Variants in SEMA4F observed in about 807,000 individuals in gnomAD.
SEMA4F encodes ssemaphorin 4F.
SEMA4F carries 51 observed loss-of-function variants against 78.4 expected under a neutral mutation model. That is an observed-to-expected ratio of 0.65 (90% CI 0.52 to 0.82). The LOEUF (loss-of-function observed/expected upper bound fraction) is 0.82, where lower values mean the gene tolerates loss of function less well. Ranked by LOEUF, SEMA4F falls within the 40% of genes least tolerant of loss-of-function variation. SEMA4F has a pLI of 0.00. For synonymous variants in SEMA4F, 418 were observed against 408.7 expected, an observed-to-expected ratio of 1.02 and a Z score of -0.27; for missense variants, 938 against 1,014.4, an observed-to-expected ratio of 0.92 and a Z score of 1.02.
At chr2:74,705,771 G>A in the SEMA4F span, among the ~76,000 whole-genome samples, 1 of 151,158 alleles carries the variant, frequency 6.6e-6, no homozygotes, top group Non-Finnish European at 1.5e-5. Flanking sequence ...TGCTATTATT[G>A]TCCAGGCTGG....
the SEMA4F span, among the ~76,000 whole-genome samples, chr2:74,692,896 C>T: frequency 9.2e-5 from 14 of 152,298 alleles, no homozygotes; most frequent in Non-Finnish European, 2.1e-4. Flanking sequence ...TGTGCACACA[C>T]GAGTGTGTTT....
chr2:74,687,069 A>G (rs530682017), downstream of SEMA4F, among the ~76,000 whole-genome samples: 510 of 152,368 alleles, frequency 3.3e-3, 2 homozygotes, highest in Middle Eastern at 6.8e-3. Flanking sequence ...CGTTACAATT[A>G]GAATGAAATC....
At chr2:74,674,453 A>G (rs190715763) in intron 7 of SEMA4F, 45 bp from the exon 8 acceptor site, 39 of 1,555,182 alleles carry the variant, frequency 2.5e-5, no homozygotes, top group African/African-American at 8.2e-5. Context: ...TCCTTGCCCA[A>G]TGATGATCAT....
the SEMA4F span, among the ~76,000 whole-genome samples, chr2:74,707,990 C>T: frequency 3.9e-5 from 6 of 152,096 alleles, no homozygotes; most frequent in African/African-American, 1.2e-4. Context: ...AGTGCTCACT[C>T]AGGGCTGAGA....
At position 74,656,628 on chromosome 2, in the gene SEMA4F, C is replaced by T. The variant is rs758500476; in HGVS notation, c.240C>T (p.Gly80=). ...VDPASHTLYV[G]ARDTIFALSL... is the part of the protein sequence containing the mutation. ...CTGCCTCCCACACACTTTATGTTGGCGCCCGGGACACCATCTTCGCTTTAT... is the reference window on the plus strand; with the variant it reads ...CTGCCTCCCACACACTTTATGTTGGTGCCCGGGACACCATCTTCGCTTTAT... The change falls in exon 2 of 14, where the codon GGC becomes GGT. Residue 80 remains glycine, a synonymous_variant. Coordinates refer to ENST00000357877, the MANE Select transcript of SEMA4F (RefSeq NM_004263.5). The T allele has an allele frequency of 1.2e-5, 20 of 1,614,022 alleles. No homozygotes were observed. The highest frequency in any genetic ancestry group is 4.4e-5 in the South Asian group (4 of 91,086).
downstream of SEMA4F, among the ~76,000 whole-genome samples, chr2:74,684,088 CTT>C (rs34924559): frequency 0.091 from 12,884 of 142,318 alleles, 1,811 homozygotes; most frequent in African/African-American, 0.3. Context: ...ACCAAATTAA[CTT>C]TTTTTTTTTT....
Position 74,680,205 on chromosome 2 carries a change from T to G in SEMA4F, c.2309T>G (p.Ile770Ser). 6.4e-7 allele frequency: 1 copy of G among 1,563,358 alleles called. No individual in the cohort carries two copies. The highest frequency in any genetic ancestry group is 8.7e-7 in the Non-Finnish European group (1 of 1,150,258). Residue 770 changes from isoleucine (I) to serine (S), a missense_variant, in exon 14 of 14, where the codon ATC becomes AGC. By Grantham distance (142) the Ile-to-Ser change is moderately radical. Coordinates refer to ENST00000357877, the MANE Select transcript of SEMA4F (RefSeq NM_004263.5). Reference sequence around the variant, plus strand: ...CTAGCCACATGTGATGAAACATCCATCTAGAGCTGGGCAAATGACCACTAG... The same window carrying G: ...CTAGCCACATGTGATGAAACATCCAGCTAGAGCTGGGCAAATGACCACTAG... ...APLATCDETS[I>S]
chr2:74,656,719 T>C (rs754367417), intron 2 of SEMA4F, 34 bp downstream of exon 2: 2 of 1,606,102 alleles, frequency 1.2e-6, no homozygotes, highest in Admixed American at 3.4e-5. Context: ...CCCCTGACCC[T>C]GTAGCATGTG....
At chr2:74,692,364 A>T in the SEMA4F span, among the ~76,000 whole-genome samples, 1 of 152,186 alleles carries the variant, frequency 6.6e-6, no homozygotes. Context: ...CAAGGCAGGG[A>T]CCCAAGGGAG....
intron 4 of SEMA4F, 45 bp from the exon 5 acceptor site, chr2:74,662,687 C>A (rs1030812625): frequency 2.0e-6 from 3 of 1,497,740 alleles, no homozygotes; most frequent in Non-Finnish European, 2.8e-6. Flanking sequence ...TCACCATGAA[C>A]CTTCCCTATG....
Position 74,654,508 on chromosome 2 carries a change from G to C in SEMA4F, c.132G>C (p.Ser44=). 6.4e-7 allele frequency: 1 copy of C among 1,568,662 alleles called. No individual in the cohort carries two copies. The highest frequency in any genetic ancestry group is 8.6e-7 in the Non-Finnish European group (1 of 1,161,306). Residue 44 remains serine, a synonymous_variant, in exon 1 of 14, where the codon TCG becomes TCC. Coordinates refer to ENST00000357877, the MANE Select transcript of SEMA4F (RefSeq NM_004263.5). ...GRVPRSVPRT[S]LPISEADSCL... ...TCCCCCGCTCGGTGCCCAGAACCTCGCTTCCAATCTCTGGTAAGGCGCGGA... is the reference window on the plus strand; with the variant it reads ...TCCCCCGCTCGGTGCCCAGAACCTCCCTTCCAATCTCTGGTAAGGCGCGGA...
intron 1 of SEMA4F, among the ~76,000 whole-genome samples, chr2:74,654,736 C>G (rs1357836387): frequency 6.6e-6 from 1 of 152,218 alleles, no homozygotes; most frequent in Non-Finnish European, 1.5e-5. Flanking sequence ...ATCCCCAGCC[C>G]GGGCCTCGCG....
rs1271546817 is a variant in SEMA4F, at chr2:74,656,664, CTCAGGGG to C, written c.277_283del (p.Ser93ArgfsTer87). On this transcript the variant is annotated frameshift_variant, in exon 2 of 14. Transcript: ENST00000357877. LOFTEE classifies it high-confidence loss of function. ...CCATCTTCGCTTTATCCCTGCCCTT[CTCAGGGG>C]AGAGACCCCGCAGGGTGAGAGACAA... The C allele has an allele frequency of 6.2e-7, 1 of 1,614,170 alleles. No individual in the cohort carries two copies. The highest frequency in any genetic ancestry group is 2.2e-5 in the East Asian group (1 of 44,870).
At chr2:74,701,514 A>T in the SEMA4F span, among the ~76,000 whole-genome samples, 2 of 152,212 alleles carry the variant, frequency 1.3e-5, no homozygotes, top group East Asian at 3.8e-4. Flanking sequence ...CTGCTAAAAA[A>T]ATCTTTTCAT....
intron 4 of SEMA4F, 41 bp from the exon 5 acceptor site, chr2:74,662,691 C>A (rs368222961): frequency 3.7e-5 from 56 of 1,515,450 alleles, no homozygotes; most frequent in Non-Finnish European, 4.5e-5. Flanking sequence ...CATGAACCTT[C>A]CCTATGACCC....
At chr2:74,696,500 G>T in the SEMA4F span, among the ~76,000 whole-genome samples, 1 of 151,984 alleles carries the variant, frequency 6.6e-6, no homozygotes, top group Non-Finnish European at 1.5e-5. Flanking sequence ...GCCCGGCCCT[G>T]CCTCTCTTAT....
intron 11 of SEMA4F, 26 bp downstream of exon 11, chr2:74,675,660 A>G (rs370927433): frequency 6.8e-6 from 11 of 1,612,858 alleles, no homozygotes; most frequent in South Asian, 3.3e-5. Flanking sequence ...TGGAGAGTCT[A>G]TTGGGGAGAC....
At chr2:74,688,469 A>G (rs1459429058), downstream of SEMA4F, among the ~76,000 whole-genome samples, 2 of 152,258 alleles carry the variant, frequency 1.3e-5, no homozygotes, top group Non-Finnish European at 2.9e-5. Flanking sequence ...AGCTTTTAGA[A>G]ATCAGTAACA....
intron 1 of SEMA4F, among the ~76,000 whole-genome samples, chr2:74,655,068 C>T (rs1486479686): frequency 6.6e-6 from 1 of 152,136 alleles, no homozygotes; most frequent in East Asian, 1.9e-4. Context: ...ATACATCATC[C>T]GAGCCTCTTG....
Sources: gnomAD v4.1 joint callset for allele counts (sites outside exome capture counted in the v4.1 genomes callset) on GRCh38, gnomAD v4.1.1 for gene constraint, MANE v1.5 for transcripts, NCBI Gene and HGNC (gene_info 2026-07-23, HGNC 2026-07-21) for gene names.